Variants in KLRG2 observed in about 807,000 individuals in gnomAD.
The protein encoded by KLRG2 is killer cell lectin-like receptor subfamily G member 2.
KLRG2 carries 39 observed loss-of-function variants against 35.4 expected under a neutral mutation model. The ratio of observed to expected loss-of-function variants is 1.10; its 90% confidence interval spans 0.85 to 1.44. The LOEUF (loss-of-function observed/expected upper bound fraction) is 1.44. Ranked by LOEUF, KLRG2 falls within the 40% of genes most tolerant of loss-of-function variation. The pLI is 0.00. For synonymous variants in KLRG2, 283 were observed against 265.8 expected (o/e 1.06, Z -0.63); for missense variants, 632 against 570.9 (o/e 1.11, Z -1.09).
At chr7:139,430,939 G>T in the KLRG2 span, among the ~76,000 whole-genome samples, 1 of 151,756 alleles carries the variant, frequency 6.6e-6, no homozygotes, top group Non-Finnish European at 1.5e-5. Context: ...AACCGGGGAG[G>T]GGGAGGTTGC....
the KLRG2 span, among the ~76,000 whole-genome samples, chr7:139,447,582 G>A: frequency 1.3e-5 from 2 of 151,872 alleles, no homozygotes; most frequent in African/African-American, 4.8e-5. Context: ...TGTATTTTTA[G>A]TAGAGACCGG....
intron 3 of KLRG2, among the ~76,000 whole-genome samples, chr7:139,455,635 T>TG (rs2116428129): frequency 6.6e-6 from 1 of 152,168 alleles, no homozygotes; most frequent in South Asian, 2.1e-4. Flanking sequence ...TTTTTTAACT[T>TG]GGAAAAAAAA....
At chr7:139,478,446 G>C (rs538282119) in intron 3 of KLRG2, among the ~76,000 whole-genome samples, 1 of 151,390 alleles carries the variant, frequency 6.6e-6, no homozygotes, top group South Asian at 2.1e-4. Context: ...GAGGCGGGCG[G>C]ATTACCTGAG....
chr7:139,446,739 C>T, the KLRG2 span, among the ~76,000 whole-genome samples: 4 of 152,010 alleles, frequency 2.6e-5, no homozygotes, highest in East Asian at 1.9e-4. Context: ...CCGCCTCCTC[C>T]GACCATCGGC....
At chr7:139,474,684 C>T (rs113273016) in intron 3 of KLRG2, among the ~76,000 whole-genome samples, 2,853 of 152,198 alleles carry the variant, frequency 0.019, 94 homozygotes, top group African/African-American at 0.065. Context: ...TTGCTTGAAT[C>T]CAGGAGGTGG....
At chr7:139,429,710 G>A in the KLRG2 span, among the ~76,000 whole-genome samples, 8 of 152,076 alleles carry the variant, frequency 5.3e-5, no homozygotes, top group African/African-American at 1.7e-4. Flanking sequence ...AGATCAACAG[G>A]ATCCCAAGGC....
chr7:139,461,494 T>C (rs915770173), intron 3 of KLRG2, among the ~76,000 whole-genome samples: 6 of 152,206 alleles, frequency 3.9e-5, no homozygotes, highest in Non-Finnish European at 8.8e-5. Context: ...AGCTAAGCCA[T>C]CATATCCCCT....
At chr7:139,472,831 GTA>G (rs2116466335) in intron 3 of KLRG2, among the ~76,000 whole-genome samples, 1 of 152,332 alleles carries the variant, frequency 6.6e-6, no homozygotes, top group Non-Finnish European at 1.5e-5. Flanking sequence ...TTGAAAGTCT[GTA>G]AAAGAAACAG....
intron 3 of KLRG2, among the ~76,000 whole-genome samples, chr7:139,462,331 C>A (rs1221284461): frequency 1.3e-5 from 2 of 152,002 alleles, no homozygotes; most frequent in Non-Finnish European, 2.9e-5. Context: ...CACCCCTCAC[C>A]CCTTCTCTCC....
At chr7:139,471,282 T>C (rs1796750789) in intron 3 of KLRG2, among the ~76,000 whole-genome samples, 1 of 149,436 alleles carries the variant, frequency 6.7e-6, no homozygotes. Flanking sequence ...TAAATGTTTA[T>C]GTTTTCCAAA....
Position 139,483,490 on chromosome 7 carries a change from G to A in KLRG2, c.153C>T (p.Ala51=), listed in dbSNP as rs756392088. The A allele has an allele frequency of 6.3e-7, 1 of 1,596,798 alleles. No individual in the cohort carries two copies. The highest frequency in any genetic ancestry group is 8.5e-7 in the Non-Finnish European group (1 of 1,178,266). Residue 51 remains alanine (A), a synonymous_variant, in exon 1 of 5, where the codon GCC becomes GCT. Transcript: ENST00000340940. ...PEGPESSPSP[A]GAVEKAAGAG... is the part of the protein sequence containing the mutation. Reference sequence around the variant, plus strand: ...CGCCCGCCGCCTTCTCCACGGCCCCGGCCGGACTTGGGCTGCTTTCGGGAC... The same window carrying A: ...CGCCCGCCGCCTTCTCCACGGCCCCAGCCGGACTTGGGCTGCTTTCGGGAC...
At chr7:139,430,127 GC>G in the KLRG2 span, among the ~76,000 whole-genome samples, 1 of 152,226 alleles carries the variant, frequency 6.6e-6, no homozygotes, top group Non-Finnish European at 1.5e-5. Flanking sequence ...AAACTGCCGG[GC>G]GCAATGGCTA....
At position 139,454,223 on chromosome 7, in the gene KLRG2, GA is replaced by G; in HGVS notation, c.1006-10del. 7.1e-7 allele frequency: 1 copy of G among 1,402,310 alleles called. No individual in the cohort carries two copies. The highest frequency in any genetic ancestry group is 9.9e-7 in the Non-Finnish European group (1 of 1,013,172). 86.9% of individuals were successfully genotyped at this position (1,402,310 alleles called of 1,614,324 possible). A position where few individuals can be genotyped will look rare whatever the true frequency, so the allele number is the denominator to read the frequency against. ...TATCTGCCCAGGAAGTCCTGAGGGA[GA>G]AAAGTAAGCTGGTCACTCCCCTGGA... is the stretch of plus-strand genomic sequence containing the variant. On this transcript the variant is annotated splice_polypyrimidine_tract_variant and intron_variant, in intron 3 of 4. Transcript: ENST00000340940.
In KLRG2 at chr7:139,483,052, G is replaced by A; in HGVS notation, c.591C>T (p.Cys197=). ...CGGGGCTGGCCCGGCCCTCTGCGTC[G>A]CAGCCGCTCTCCGTCCGGGCTGCAG... is the stretch of plus-strand genomic sequence containing the variant. ...PLAAARTESG[C]DAEGRASPAE... The change falls in exon 1 of 5, where the codon TGC becomes TGT. Residue 197 remains cysteine (C), a synonymous_variant. Coordinates refer to ENST00000340940, the MANE Select transcript of KLRG2 (RefSeq NM_198508.4). 3 of 1,375,564 alleles carry A rather than the reference G, an allele frequency of 2.2e-6. No individual in the cohort carries two copies. Among genetic ancestry groups the A allele is most frequent in the South Asian group, 1.7e-5 (1 of 58,540 alleles). The allele number at this position is 1,375,564 out of a possible 1,614,324, so 85.2% of individuals were successfully genotyped here.
chr7:139,449,853 C>T (rs1454230054), downstream of KLRG2, among the ~76,000 whole-genome samples: 2 of 151,292 alleles, frequency 1.3e-5, no homozygotes, highest in Non-Finnish European at 2.9e-5. Context: ...GCGCCCACCA[C>T]CACGCTTGGC....
At position 139,453,083 on chromosome 7, in the gene KLRG2, A is replaced by G; in HGVS notation, c.*504T>C. The G allele has an allele frequency of 6.1e-6, 1 of 165,012 alleles. No individual in the cohort carries two copies. Among genetic ancestry groups the G allele is most frequent in the Non-Finnish European group, 1.3e-5 (1 of 77,446 alleles). The allele number at this position is 165,012 out of a possible 1,614,324, so 10.2% of individuals were successfully genotyped here. A position where few individuals can be genotyped will look rare whatever the true frequency, so the allele number is the denominator to read the frequency against. ...GCTGACCGCTCCTTTTCCTTGGTTA[A>G]TTTTCCAGAGGCTGCCGGTAGGCTG... On this transcript the variant is annotated 3_prime_UTR_variant, in exon 5 of 5. Coordinates refer to ENST00000340940, the MANE Select transcript of KLRG2 (RefSeq NM_198508.4).
At chr7:139,478,286 A>G (rs1162848554) in intron 3 of KLRG2, among the ~76,000 whole-genome samples, 1 of 150,676 alleles carries the variant, frequency 6.6e-6, no homozygotes, top group East Asian at 2.0e-4. Context: ...GGATTGCTTG[A>G]GCCTGGGAGT....
rs959686413 is a variant in KLRG2, at chr7:139,467,935, G to T, written c.1005+11692C>A. On this transcript the variant is annotated intron_variant, in intron 3 of 4. Coordinates refer to ENST00000340940, the MANE Select transcript of KLRG2 (RefSeq NM_198508.4). The stretch of plus-strand genomic sequence containing the variant: ...TCGTCACTGGGCAATGGAATGTCTC[G>T]GTATAAAACCTGATTGTATGTTCCA... 3.3e-5 allele frequency among the ~76,000 whole-genome samples: 5 copies of T among 152,158 alleles called. No homozygotes were observed. The East Asian group carries it at 7.7e-4, about 23-fold the overall frequency.
chr7:139,480,211 A>G lies in KLRG2; in HGVS notation c.794T>C (p.Leu265Pro). Reference sequence around the variant, plus strand: ...TGCCAGGAGCACAGCCATGAACGCCAGGGCCCAGTACAGGGACTTCACGTA... The same window carrying G: ...TGCCAGGAGCACAGCCATGAACGCCGGGGCCCAGTACAGGGACTTCACGTA... ...PMYVKSLYWA[L>P]AFMAVLLAVS... Residue 265 changes from leucine (L) to proline (P), a missense_variant, in exon 2 of 5, where the codon CTG becomes CCG. Transcript: ENST00000340940. 1 of 1,613,504 alleles carries G rather than the reference A, an allele frequency of 6.2e-7. No individual in the cohort carries two copies. Among genetic ancestry groups the G allele is most frequent in the Non-Finnish European group, 8.5e-7 (1 of 1,179,590 alleles).
Sources: gnomAD v4.1 joint callset for allele counts (sites outside exome capture counted in the v4.1 genomes callset) on GRCh38, gnomAD v4.1.1 for gene constraint, MANE v1.5 for transcripts, NCBI Gene and HGNC (gene_info 2026-07-23, HGNC 2026-07-21) for gene names.